Variants in DENND2B observed in about 807,000 individuals in gnomAD.
DENND2B encodes the protein DENN domain containing 2B.
DENND2B carries 32 observed loss-of-function variants against 116.0 expected under a neutral mutation model. The observed-to-expected ratio is 0.28, with a 90% CI of 0.21 to 0.37. The LOEUF is 0.37. Among genes scored for constraint, DENND2B ranks in the 10% least tolerant of loss-of-function variants. DENND2B has a pLI of 1.00. For missense variants in DENND2B, 1,276 were observed against 1,477.7 expected, an observed-to-expected ratio of 0.86 and a Z score of 2.24; for synonymous variants, 588 against 583.9, an observed-to-expected ratio of 1.01 and a Z score of -0.10.
intron 3 of DENND2B, among the ~76,000 whole-genome samples, chr11:8,855,436 T>C (rs544244941): frequency 6.6e-6 from 1 of 150,882 alleles, no homozygotes; most frequent in Admixed American, 6.6e-5. Context: ...TGATGGATCA[T>C]GCTAAATTTT....
At chr11:8,822,660 A>C (rs1364476484) in intron 4 of DENND2B, among the ~76,000 whole-genome samples, 1 of 152,176 alleles carries the variant, frequency 6.6e-6, no homozygotes, top group African/African-American at 2.4e-5. Flanking sequence ...ATGGCTTCTA[A>C]AGGTTTCCCT....
At chr11:8,827,888 G>T (rs1454787759) in intron 4 of DENND2B, among the ~76,000 whole-genome samples, 3 of 152,140 alleles carry the variant, frequency 2.0e-5, no homozygotes, top group African/African-American at 7.2e-5. Flanking sequence ...ATAACAATTT[G>T]CCAGCCACAA....
intron 1 of DENND2B, among the ~76,000 whole-genome samples, chr11:8,794,303 T>C (rs548534483): frequency 6.6e-6 from 1 of 152,156 alleles, no homozygotes; most frequent in Non-Finnish European, 1.5e-5. Context: ...CTCTGTATTC[T>C]CACCTCTCAA....
chr11:8,907,561 T>G (rs1256437983), intron 1 of DENND2B, among the ~76,000 whole-genome samples: 2 of 152,208 alleles, frequency 1.3e-5, no homozygotes, highest in African/African-American at 4.8e-5. Flanking sequence ...TAGAGTCTTT[T>G]GGTTTCAGTT....
intron 4 of DENND2B, among the ~76,000 whole-genome samples, chr11:8,837,273 G>A (rs373216798): frequency 6.8e-6 from 1 of 147,932 alleles, no homozygotes; most frequent in African/African-American, 2.5e-5. Context: ...TACATAGGCA[G>A]AAGTTAAACC....
chr11:8,699,474 C>A, intron 14 of DENND2B, 84 bp from the exon 15 acceptor site: 1 of 1,377,438 alleles, frequency 7.3e-7, no homozygotes, highest in Non-Finnish European at 9.8e-7. Context: ...AGCCTTTGAT[C>A]GTAAACCTCC....
intron 3 of DENND2B, among the ~76,000 whole-genome samples, chr11:8,855,512 G>C (rs2063164458): frequency 6.6e-6 from 1 of 151,676 alleles, no homozygotes; most frequent in South Asian, 2.1e-4. Context: ...CCAAGCCCCT[G>C]CCAGCATCCC....
chr11:8,695,729 G>C, intron 18 of DENND2B, 180 bp from the exon 19 acceptor site: 1 of 605,248 alleles, frequency 1.7e-6, no homozygotes, highest in East Asian at 2.8e-5. Context: ...GATCATTAGT[G>C]ACATCTTGCC....
At position 8,766,800 on chromosome 11, in the gene DENND2B, G is replaced by A. The variant is rs375306346; in HGVS notation, c.-25-16075C>T. 26 of 628,328 alleles carry A rather than the reference G, an allele frequency of 4.1e-5. No individual in the cohort carries two copies. In the African/African-American group the frequency reaches 4.5e-4, roughly 11 times the overall value. 38.9% of individuals were successfully genotyped at this position (628,328 alleles called of 1,614,324 possible). A position where few individuals can be genotyped will look rare whatever the true frequency, so the allele number is the denominator to read the frequency against. ...TCATTTTAGGTGGGGGTGCTGGGTT[G>A]GAGAATGTGACAGAGGACAAGAATA... On this transcript the variant is annotated intron_variant, in intron 1 of 19. Transcript: ENST00000313726.
rs187751782 is a variant in DENND2B at position 8,772,586 on chromosome 11, T to C, written c.-25-21861A>G. The stretch of plus-strand genomic sequence containing the variant: ...TGTGAGTAGCAATATATCATACTAA[T>C]AGTAGAGTGAGTGTGAGAGTGTGGG... On this transcript the variant is annotated intron_variant, in intron 1 of 19. Transcript: ENST00000313726. 5.3e-4 allele frequency among the ~76,000 whole-genome samples: 81 copies of C among 152,146 alleles called. 1 individual carries two copies. The highest frequency in any genetic ancestry group is 1.9e-3 in the African/African-American group (80 of 41,494).
chr11:8,702,981 CA>C lies in DENND2B; in HGVS notation c.2572-262del. The C allele has an allele frequency of 2.1e-6, 1 of 481,592 alleles. No homozygotes were observed. 29.8% of individuals were successfully genotyped at this position (481,592 alleles called of 1,614,324 possible). Reference sequence around the variant, plus strand: ...CTCCAGAAGGAAGGAGTTGAGGGGCCATCCATCGGGACCTCAGGAAGAGAGG... The same window carrying C: ...CTCCAGAAGGAAGGAGTTGAGGGGCCTCCATCGGGACCTCAGGAAGAGAGG... On this transcript the variant is annotated intron_variant, in intron 13 of 19. Coordinates refer to ENST00000313726, the MANE Select transcript of DENND2B (RefSeq NM_213618.2). The surrounding 1 kb of genome is among the most constrained non-coding windows in gnomAD (Gnocchi z 4.6).
chr11:8,883,654 A>G (rs567639091), intron 1 of DENND2B, among the ~76,000 whole-genome samples: 1 of 152,372 alleles, frequency 6.6e-6, no homozygotes. Flanking sequence ...AAATTTGATG[A>G]AGATAATAAT....
chr11:8,708,952 CAA>C (rs10569712), intron 11 of DENND2B, among the ~76,000 whole-genome samples: 10,111 of 136,410 alleles, frequency 0.074, 571 homozygotes, highest in East Asian at 0.23. Flanking sequence ...AACTCTGTCT[CAA>C]AAAAAAAAAA....
intron 1 of DENND2B, among the ~76,000 whole-genome samples, chr11:8,806,908 C>CT (rs71059181): frequency 0.95 from 138,674 of 146,554 alleles, 65,931 homozygotes; most frequent in South Asian, 1. Flanking sequence ...GCCAGATGGT[C>CT]TTTTTTTTTT....
intron 1 of DENND2B, among the ~76,000 whole-genome samples, chr11:8,753,628 G>A (rs114263947): frequency 1.3e-5 from 2 of 150,520 alleles, no homozygotes; most frequent in African/African-American, 4.9e-5. Context: ...GATGAACAAA[G>A]TTAGAAGACT....
At chr11:8,708,875 C>CG (rs2043095004) in intron 11 of DENND2B, among the ~76,000 whole-genome samples, 1 of 150,156 alleles carries the variant, frequency 6.7e-6, no homozygotes, top group Non-Finnish European at 1.5e-5. Context: ...CGCTTGAACC[C>CG]GGGAGGTGGA....
intron 1 of DENND2B, among the ~76,000 whole-genome samples, chr11:8,807,378 C>T (rs896688504): frequency 2.2e-4 from 33 of 152,128 alleles, no homozygotes; most frequent in African/African-American, 7.2e-4. Context: ...GAATCAGATG[C>T]GGTGGGGAGT....
intron 3 of DENND2B, among the ~76,000 whole-genome samples, chr11:8,856,249 C>T (rs1368774562): frequency 2.0e-5 from 3 of 152,178 alleles, no homozygotes; most frequent in Non-Finnish European, 4.4e-5. Flanking sequence ...AATAAATATC[C>T]ATTGAATGTT....
Position 8,711,215 on chromosome 11 carries a change from T to C in DENND2B, c.2189A>G (p.Lys730Arg), listed in dbSNP as rs764989861. Residue 730 changes from lysine to arginine, a missense_variant, in exon 10 of 20, where the codon AAG (lysine) becomes AGG (arginine). This residue lies in a region of DENND2B where 420 missense variants were observed against 631.1 expected (regional missense o/e 0.67). Transcript: ENST00000313726. ...YQFPKLDRPTKQMREAEERLK... is the reference protein window; with the variant it reads ...YQFPKLDRPTRQMREAEERLK... The stretch of plus-strand genomic sequence containing the variant: ...CCTTTCCTCTGCCTCTCGCATCTGC[T>C]TGGTGGGTCGGTCCAGCTGCAGGGA... 3.7e-6 allele frequency: 6 copies of C among 1,613,890 alleles called. No homozygotes were observed. The highest frequency in any genetic ancestry group is 5.1e-6 in the Non-Finnish European group (6 of 1,180,010).
Sources: gnomAD v4.1 joint callset for allele counts (sites outside exome capture counted in the v4.1 genomes callset) on GRCh38, gnomAD v4.1.1 for gene constraint, gnomAD v4.1.1 regional missense constraint, Gnocchi (gnomAD v3.1) non-coding constraint, MANE v1.5 for transcripts, NCBI Gene and HGNC (gene_info 2026-07-23, HGNC 2026-07-21) for gene names.